The following CATSPERE variants were observed in gnomAD, a reference collection of about 807,000 sequenced individuals.
CATSPERE encodes catsper channel auxiliary subunit epsilon.
In CATSPERE, 93 loss-of-function variants were observed where a neutral mutation model predicts 114.1. The observed-to-expected ratio is 0.81, with a 90% CI of 0.69 to 0.97. The LOEUF (loss-of-function observed/expected upper bound fraction) is 0.97, where lower values mean the gene tolerates loss of function less well. Ranked by LOEUF, CATSPERE falls within the 50% of genes least tolerant of loss-of-function variation. CATSPERE has a pLI of 0.00. For synonymous variants in CATSPERE, 341 were observed against 384.1 expected, an observed-to-expected ratio of 0.89 and a Z score of 1.31; for missense variants, 1,058 against 1,131.6, an observed-to-expected ratio of 0.93 and a Z score of 0.93.
intron 11 of CATSPERE, among the ~76,000 whole-genome samples, chr1:244,578,611 TAAGG>T (rs1665648011): frequency 6.6e-6 from 1 of 151,416 alleles, no homozygotes; most frequent in African/African-American, 2.4e-5. Context: ...AAGAAAATCA[TAAGG>T]AAGAGAAAAC....
intron 9 of CATSPERE, among the ~76,000 whole-genome samples, chr1:244,553,655 A>ACC (rs1661136379): frequency 1.7e-5 from 2 of 119,780 alleles, no homozygotes; most frequent in Non-Finnish European, 3.3e-5. Context: ...ATACATATAT[A>ACC]TATAGTTGCT....
chr1:244,551,512 G>A (rs1660624216), intron 8 of CATSPERE, among the ~76,000 whole-genome samples: 1 of 152,106 alleles, frequency 6.6e-6, no homozygotes, highest in Non-Finnish European at 1.5e-5. Context: ...TATTTACACA[G>A]TAAATCTAAA....
chr1:244,512,282 G>A (rs923433333), intron 7 of CATSPERE, among the ~76,000 whole-genome samples: 12 of 152,174 alleles, frequency 7.9e-5, no homozygotes, highest in African/African-American at 1.9e-4. Flanking sequence ...ACCTGTCTTC[G>A]AGTTCAGAAA....
At chr1:244,532,830 A>G (rs1335600007) in intron 8 of CATSPERE, among the ~76,000 whole-genome samples, 2 of 152,058 alleles carry the variant, frequency 1.3e-5, no homozygotes, top group Non-Finnish European at 1.5e-5. Flanking sequence ...TGTGCACTCT[A>G]TATCTATTGA....
chr1:244,569,264 C>T (rs1231589364), intron 10 of CATSPERE, among the ~76,000 whole-genome samples: 5 of 152,248 alleles, frequency 3.3e-5, no homozygotes, highest in Non-Finnish European at 5.9e-5. Context: ...CCGTGGGCTG[C>T]ACCCACTGTC....
rs574058596 is a variant in CATSPERE, at chr1:244,639,424, G to A, written c.2703-504G>A. 1.4e-3 allele frequency among the ~76,000 whole-genome samples: 206 copies of A among 152,286 alleles called. 1 individual carries two copies. The highest frequency in any genetic ancestry group is 4.8e-3 in the African/African-American group (200 of 41,550). On this transcript the variant is annotated intron_variant, in intron 21 of 21. Coordinates refer to ENST00000366534, the MANE Select transcript of CATSPERE (RefSeq NM_001130957.2). ...TTTCTAGCTGGGTGCAGTGGCTCACGCCTGTAATCCCTTTTGGCACTTTGG... is the reference window on the plus strand; with the variant it reads ...TTTCTAGCTGGGTGCAGTGGCTCACACCTGTAATCCCTTTTGGCACTTTGG...
Position 244,477,904 on chromosome 1 carries a change from A to G in CATSPERE, c.189-2A>G, listed in dbSNP as rs763383657. On this transcript the variant is annotated splice_acceptor_variant, in intron 3 of 21. Coordinates refer to ENST00000366534, the MANE Select transcript of CATSPERE (RefSeq NM_001130957.2). LOFTEE classifies it high-confidence loss of function. ...ATTCTTTCTCATCTTTTTAAACACT[A>G]GCTCACCCACGACAGAATTGCGTTG... 2.1e-5 allele frequency: 33 copies of G among 1,600,890 alleles called. No individual in the cohort carries two copies. The highest frequency in any genetic ancestry group is 2.6e-5 in the Non-Finnish European group (30 of 1,169,500).
rs1032650649 is a variant in CATSPERE at position 244,552,730 on chromosome 1, A to C, written c.945A>C (p.Arg315Ser). 1 of 1,613,752 alleles carries C rather than the reference A, an allele frequency of 6.2e-7. No homozygotes were observed. Among genetic ancestry groups the C allele is most frequent in the African/African-American group, 1.3e-5 (1 of 74,914 alleles). ...LYIKSFRGFI[R>S]LGGIVNLPDG... is the part of the protein sequence containing the mutation. ...TAAAGAGTTTTCGTGGATTTATAAG[A>C]CTGGGAGGAATTGTAAATCTTCCTG... The change falls in exon 9 of 22, where the codon AGA becomes AGC. Residue 315 changes from arginine (R) to serine (S), a missense_variant. Physicochemically the swap from Arg to Ser is moderately radical, Grantham distance 110 (BLOSUM62 -1). This residue lies in a region of CATSPERE where 787 missense variants were observed against 905.6 expected (regional missense o/e 0.87). Coordinates refer to ENST00000366534, the MANE Select transcript of CATSPERE (RefSeq NM_001130957.2).
intron 7 of CATSPERE, among the ~76,000 whole-genome samples, chr1:244,507,524 A>G (rs1351170402): frequency 6.6e-6 from 1 of 152,120 alleles, no homozygotes; most frequent in East Asian, 1.9e-4. Flanking sequence ...TGTTTGTTGC[A>G]TATGCTTTTG....
At chr1:244,604,250 A>G (rs1181671909) in intron 17 of CATSPERE, among the ~76,000 whole-genome samples, 1 of 152,206 alleles carries the variant, frequency 6.6e-6, no homozygotes, top group Non-Finnish European at 1.5e-5. Context: ...CCAATCCTCC[A>G]ATCCCTAGCT....
chr1:244,505,935 G>A (rs539912836), intron 7 of CATSPERE, among the ~76,000 whole-genome samples: 13 of 152,230 alleles, frequency 8.5e-5, no homozygotes, highest in Admixed American at 7.9e-4. Flanking sequence ...GAACCCGGGA[G>A]GCGGAGGTTG....
intron 2 of CATSPERE, among the ~76,000 whole-genome samples, chr1:244,471,487 T>C (rs1049724562): frequency 1.3e-4 from 20 of 152,210 alleles, no homozygotes; most frequent in Non-Finnish European, 1.9e-4. Context: ...AATGAAGATA[T>C]ACAACATTTA....
rs6429488 is a variant in CATSPERE, at chr1:244,583,991, C to T, written c.2085+52C>T. 0.12 allele frequency: 181,407 copies of T among 1,483,342 alleles called. 16,307 individuals are homozygous for T. The highest frequency in any genetic ancestry group is 0.37 in the East Asian group (16,268 of 43,918). 91.9% of individuals were successfully genotyped at this position (1,483,342 alleles called of 1,614,324 possible). ...ATATTTCACTTCAAGAATGTATAGG[C>T]GGTCAACCAAATAATGCATACAATA... is the stretch of plus-strand genomic sequence containing the variant. On this transcript the variant is annotated intron_variant, in intron 13 of 21. Transcript: ENST00000366534.
In CATSPERE at chr1:244,461,391, G is replaced by A. The variant is rs770494032; in HGVS notation, c.-39G>A. ...ACGGGAATGCGCGAGGCCTGGACGG[G>A]AGTGGCCGAGGCGGTTGGGCGGAGG... On this transcript the variant is annotated 5_prime_UTR_variant, in exon 1 of 22. Transcript: ENST00000366534. The A allele has an allele frequency of 4.5e-6, 6 of 1,338,338 alleles. No homozygotes were observed. The South Asian group carries it at 8.2e-5, about 18-fold the overall frequency. 82.9% of individuals were successfully genotyped at this position (1,338,338 alleles called of 1,614,324 possible).
Position 244,552,809 on chromosome 1 carries a change from T to C in CATSPERE, c.1024T>C (p.Leu342=), listed in dbSNP as rs907958722. 5 of 1,488,550 alleles carry C rather than the reference T, an allele frequency of 3.4e-6. No homozygotes were observed. In the Admixed American group the frequency reaches 1.1e-4, roughly 34 times the overall value. 92.2% of individuals were successfully genotyped at this position (1,488,550 alleles called of 1,614,324 possible). The change falls in exon 9 of 22, where the codon TTA becomes CTA. Residue 342 remains leucine, a synonymous_variant. Coordinates refer to ENST00000366534, the MANE Select transcript of CATSPERE (RefSeq NM_001130957.2). ...AAAATGGTGTTGGGTCAATTATTTA[T>C]TAAAGGTTAGTAAAAGATATTTTAT... ...SRKWCWVNYL[L]KAKGRRSTFA...
At chr1:244,606,587 G>A (rs1670033929) in intron 18 of CATSPERE, among the ~76,000 whole-genome samples, 1 of 148,484 alleles carries the variant, frequency 6.7e-6, no homozygotes. Context: ...CCAGAGTATT[G>A]CAAGAATTCT....
At chr1:244,469,928 AT>A (rs1668204679) in intron 2 of CATSPERE, among the ~76,000 whole-genome samples, 1 of 152,156 alleles carries the variant, frequency 6.6e-6, no homozygotes. Flanking sequence ...CAGTCAGTTG[AT>A]TTTTGATAAT....
chr1:244,611,347 T>G (rs1188063211), intron 19 of CATSPERE, among the ~76,000 whole-genome samples: 2 of 152,020 alleles, frequency 1.3e-5, no homozygotes, highest in African/African-American at 4.8e-5. Flanking sequence ...CCTAACACTT[T>G]CTGAGGCCGA....
upstream of CATSPERE, among the ~76,000 whole-genome samples, chr1:244,461,219 C>T (rs773335351): frequency 6.6e-6 from 1 of 152,146 alleles, no homozygotes; most frequent in Non-Finnish European, 1.5e-5. Flanking sequence ...GTTCGCACTC[C>T]GGCTACTTTC....
Sources: allele counts gnomAD v4.1 joint callset (sites outside exome capture counted in the v4.1 genomes callset), GRCh38; gene constraint gnomAD v4.1.1; regional missense constraint gnomAD v4.1.1; transcripts MANE v1.5; gene names NCBI Gene and HGNC (gene_info 2026-07-23, HGNC 2026-07-21).